The following TRIP4 variants were observed in gnomAD, a reference collection of about 807,000 sequenced individuals.
The protein encoded by TRIP4 is activating signal cointegrator 1.
Under a neutral mutation model 81.8 loss-of-function variants are expected in TRIP4, and 54 were observed. The ratio of observed to expected loss-of-function variants is 0.66; its 90% CI spans 0.53 to 0.83. The LOEUF (loss-of-function observed/expected upper bound fraction) is 0.83, where lower values mean the gene tolerates loss of function less well. TRIP4 is among the 40% of genes least tolerant of loss of function. The pLI, the probability that TRIP4 is intolerant of heterozygous loss-of-function variation, is 0.00. For missense variants in TRIP4, 662 were observed against 683.6 expected, an observed-to-expected ratio of 0.97 and a Z score of 0.35; for synonymous variants, 270 against 242.8, an observed-to-expected ratio of 1.11 and a Z score of -1.04.
intron 8 of TRIP4, among the ~76,000 whole-genome samples, chr15:64,417,715 G>A (rs1891918995): frequency 6.6e-6 from 1 of 152,048 alleles, no homozygotes; most frequent in Non-Finnish European, 1.5e-5. Context: ...TTCATTTCAG[G>A]GTAAGAGAAT....
chr15:64,415,136 G>A (rs150217803), intron 8 of TRIP4, among the ~76,000 whole-genome samples: 270 of 152,130 alleles, frequency 1.8e-3, no homozygotes, highest in Non-Finnish European at 3.6e-3. Context: ...ATATGTTTGG[G>A]AATGGTGGAG....
chr15:64,399,967 C>G (rs531602061), intron 4 of TRIP4, among the ~76,000 whole-genome samples: 1 of 149,302 alleles, frequency 6.7e-6, no homozygotes, highest in African/African-American at 2.5e-5. Context: ...AAAGCCACAC[C>G]CTGCTCAAAA....
chr15:64,407,606 G>T (rs1031633612), intron 6 of TRIP4, among the ~76,000 whole-genome samples: 1 of 152,046 alleles, frequency 6.6e-6, no homozygotes, highest in African/African-American at 2.4e-5. Flanking sequence ...GGCGGAGCTT[G>T]CAGTGAGCCA....
At chr15:64,424,242 CT>C in intron 10 of TRIP4, 87 bp downstream of exon 10, 1 of 1,565,370 alleles carries the variant, frequency 6.4e-7, no homozygotes, top group Non-Finnish European at 8.7e-7. Flanking sequence ...CTTTCTTTGG[CT>C]TTTTCTTTGT....
chr15:64,419,002 AAGAT>A (rs200958564), intron 9 of TRIP4, among the ~76,000 whole-genome samples: 2,160 of 152,332 alleles, frequency 0.014, 16 homozygotes, highest in Non-Finnish European at 0.02. Flanking sequence ...AGTCATAACA[AAGAT>A]AGAAGACTAA....
chr15:64,441,589 C>T (rs1421681824), intron 11 of TRIP4, among the ~76,000 whole-genome samples: 6 of 151,602 alleles, frequency 4.0e-5, no homozygotes, highest in African/African-American at 1.2e-4. Flanking sequence ...CTGGCTAACA[C>T]GGTGAAACCC....
chr15:64,437,700 G>A (rs1892433824), intron 11 of TRIP4, among the ~76,000 whole-genome samples: 1 of 152,050 alleles, frequency 6.6e-6, no homozygotes, highest in South Asian at 2.1e-4. Flanking sequence ...TGCCATGTTG[G>A]CCAGGCTGGT....
Position 64,395,508 on chromosome 15 carries a change from A to G in TRIP4, c.382A>G (p.Lys128Glu). ...FTEPDTTAEVKTPFDLAKAQE... is the reference protein window; with the variant it reads ...FTEPDTTAEVETPFDLAKAQE... ...TGAACCTGACACGACTGCAGAGGTT[A>G]AAACACCTTTTGATTTGGCCAAGGT... The change falls in exon 3 of 13, where the codon AAA (lysine) becomes GAA (glutamate). Residue 128 changes from lysine (K) to glutamate (E), a missense_variant. By Grantham distance (56) the Lys-to-Glu change is moderately conservative (BLOSUM62 1). Coordinates refer to ENST00000261884, the MANE Select transcript of TRIP4 (RefSeq NM_016213.5). 2 of 1,611,954 alleles carry G rather than the reference A, an allele frequency of 1.2e-6. No individual in the cohort carries two copies. Among genetic ancestry groups the G allele is most frequent in the East Asian group, 2.2e-5 (1 of 44,856 alleles).
intron 7 of TRIP4, among the ~76,000 whole-genome samples, chr15:64,411,443 C>G (rs1329318106): frequency 6.6e-6 from 1 of 151,994 alleles, no homozygotes; most frequent in East Asian, 1.9e-4. Context: ...GTATATTCCT[C>G]TCAATTTTGC....
intron 11 of TRIP4, 125 bp downstream of exon 11, chr15:64,425,756 A>G: frequency 6.2e-6 from 4 of 648,164 alleles, no homozygotes; most frequent in Non-Finnish European, 7.6e-6. Context: ...GAGCCACCAC[A>G]CCCAGCCTGG....
At chr15:64,437,380 G>T (rs1416975649) in intron 11 of TRIP4, among the ~76,000 whole-genome samples, 2 of 151,174 alleles carry the variant, frequency 1.3e-5, no homozygotes, top group Non-Finnish European at 2.9e-5. Context: ...TTGCACCATT[G>T]CACTCCAACC....
chr15:64,432,877 C>A (rs1892308317), intron 11 of TRIP4, among the ~76,000 whole-genome samples: 1 of 151,938 alleles, frequency 6.6e-6, no homozygotes, highest in African/African-American at 2.4e-5. Flanking sequence ...CGCCACTGTA[C>A]TCCAGCCTGG....
chr15:64,418,788 G>C, intron 9 of TRIP4, 60 bp downstream of exon 9: 2 of 1,450,834 alleles, frequency 1.4e-6, no homozygotes, highest in South Asian at 2.9e-5. Context: ...ATTTAATTTA[G>C]AAATATGAAT....
intron 11 of TRIP4, among the ~76,000 whole-genome samples, chr15:64,433,853 G>A (rs1431120650): frequency 3.9e-5 from 6 of 152,186 alleles, no homozygotes; most frequent in East Asian, 3.9e-4. Flanking sequence ...GGTCCAGGAC[G>A]GCTTTGAATG....
In TRIP4 at chr15:64,414,350, C is replaced by A. The variant is rs759739074; in HGVS notation, c.1170+139C>A. On this transcript the variant is annotated intron_variant, in intron 8 of 12. Transcript: ENST00000261884. ...GTACCAATCAGCTCTCTCAACACAC[C>A]TGCCAACCTTATTCTCTGGCCCACA... 5 of 1,139,676 alleles carry A rather than the reference C, an allele frequency of 4.4e-6. No homozygotes were observed. The Admixed American group carries it at 1.2e-4, about 28-fold the overall frequency. The allele number at this position is 1,139,676 out of a possible 1,614,324, so 70.6% of individuals were successfully genotyped here.
At chr15:64,391,996 C>T (rs551893111) in intron 1 of TRIP4, among the ~76,000 whole-genome samples, 4 of 127,224 alleles carry the variant, frequency 3.1e-5, no homozygotes, top group African/African-American at 1.1e-4. Context: ...AAAAAAAAAG[C>T]CAGGTGCAGC....
At chr15:64,454,470 A>C (rs953314769) in intron 12 of TRIP4, among the ~76,000 whole-genome samples, 3 of 152,132 alleles carry the variant, frequency 2.0e-5, no homozygotes, top group Non-Finnish European at 4.4e-5. Flanking sequence ...TAACCTTCTT[A>C]GCTGGTGATA....
At chr15:64,431,848 T>TATATATATATATATATATATATATATA (rs879733141) in intron 11 of TRIP4, among the ~76,000 whole-genome samples, 5 of 8,288 alleles carry the variant, frequency 6.0e-4, no homozygotes, top group Admixed American at 4.6e-3. Context: ...TATATATATA[T>TATATATATATATATATATATATATATA]TTTTTTTATC....
chr15:64,409,617 C>G lies in TRIP4; in HGVS notation c.832C>G (p.Arg278Gly). 6.2e-7 allele frequency: 1 copy of G among 1,613,832 alleles called. No individual in the cohort carries two copies. The highest frequency in any genetic ancestry group is 8.5e-7 in the Non-Finnish European group (1 of 1,179,942). ...KLLEFDRTSI[R>G]RTQVIDDESD... ...CATGTGTTCCCTTTTTCTCAGTATT[C>G]GAAGGACCCAAGTCATTGATGATGA... Residue 278 changes from arginine (R) to glycine (G), a missense_variant, in exon 7 of 13, where the codon CGA becomes GGA. Coordinates refer to ENST00000261884, the MANE Select transcript of TRIP4 (RefSeq NM_016213.5).
Sources: gnomAD v4.1 joint callset for allele counts (sites outside exome capture counted in the v4.1 genomes callset) on GRCh38, gnomAD v4.1.1 for gene constraint, MANE v1.5 for transcripts, NCBI Gene and HGNC (gene_info 2026-07-23, HGNC 2026-07-21) for gene names.